Variants in ANKHD1 observed in about 807,000 individuals in gnomAD.
ANKHD1 encodes the protein ankyrin repeat and KH domain-containing protein 1.
Under a neutral mutation model 230.5 loss-of-function variants are expected in ANKHD1, and 31 were observed. The observed-to-expected ratio is 0.13, with a 90% CI of 0.10 to 0.18. The LOEUF is 0.18. ANKHD1 is among the 10% of genes least tolerant of loss of function. ANKHD1 has a pLI of 1.00. For missense variants in ANKHD1, 2,256 were observed against 3,071.3 expected (o/e 0.73, Z 6.27); for synonymous variants, 1,074 against 1,117.6 (o/e 0.96, Z 0.78).
rs1751477471 is a variant in ANKHD1, at chr5:140,485,834, C to T, written c.2142+102C>T. ...TAAGCAAAATGGACTTGTTTTTATTCTCTGTTACATATTGAGAAAATCATG... is the reference window on the plus strand; with the variant it reads ...TAAGCAAAATGGACTTGTTTTTATTTTCTGTTACATATTGAGAAAATCATG... On this transcript the variant is annotated intron_variant, in intron 13 of 33. Coordinates refer to ENST00000360839, the MANE Select transcript of ANKHD1 (RefSeq NM_017747.3). This position sits in a 1 kb window ranked among gnomAD's most constrained non-coding sequence, Gnocchi z 4.8. 3 of 1,478,366 alleles carry T rather than the reference C, an allele frequency of 2.0e-6. No individual in the cohort carries two copies. The highest frequency in any genetic ancestry group is 2.9e-5 in the African/African-American group (2 of 69,710). The allele number at this position is 1,478,366 out of a possible 1,614,324, so 91.6% of individuals were successfully genotyped here.
chr5:140,447,976 C>T (rs144484807), intron 6 of ANKHD1, among the ~76,000 whole-genome samples: 148 of 152,192 alleles, frequency 9.7e-4, no homozygotes, highest in African/African-American at 3.5e-3. Context: ...AACTGGAGTT[C>T]TATTATTAAA....
intron 7 of ANKHD1, among the ~76,000 whole-genome samples, chr5:140,455,617 A>G (rs1246021744): frequency 4.6e-5 from 7 of 152,230 alleles, no homozygotes; most frequent in East Asian, 1.9e-4. Flanking sequence ...CAAAAACCAC[A>G]TGATTATCTC....
chr5:140,480,445 G>A (rs1305051192), intron 10 of ANKHD1, among the ~76,000 whole-genome samples: 1 of 151,950 alleles, frequency 6.6e-6, no homozygotes, highest in Admixed American at 6.6e-5. Context: ...CATTTTTCAT[G>A]ATTTCATTTG....
At chr5:140,460,949 A>G (rs749570837) in intron 9 of ANKHD1, among the ~76,000 whole-genome samples, 2 of 152,090 alleles carry the variant, frequency 1.3e-5, no homozygotes, top group African/African-American at 2.4e-5. Flanking sequence ...TTTTTCCCCT[A>G]TCATTTTTAG....
At chr5:140,538,338 T>C in intron 32 of ANKHD1, 77 bp downstream of exon 32, 1 of 1,551,024 alleles carries the variant, frequency 6.4e-7, no homozygotes, top group South Asian at 1.2e-5. Flanking sequence ...TACCTTGTAT[T>C]GAAATAATGC....
At chr5:140,419,791 T>C (rs1467482908) in intron 1 of ANKHD1, among the ~76,000 whole-genome samples, 2 of 57,062 alleles carry the variant, frequency 3.5e-5, no homozygotes, top group Non-Finnish European at 4.6e-5. Context: ...TCTTTCTTTC[T>C]TTCTTTCTTT....
intron 1 of ANKHD1, among the ~76,000 whole-genome samples, chr5:140,407,443 C>T (rs1770561121): frequency 6.6e-6 from 1 of 151,622 alleles, no homozygotes; most frequent in South Asian, 2.1e-4. Context: ...TTTGCTCTGT[C>T]ACCCAGGCTG....
chr5:140,413,824 A>G (rs144634639), intron 1 of ANKHD1, among the ~76,000 whole-genome samples: 2,458 of 152,084 alleles, frequency 0.016, 73 homozygotes, highest in African/African-American at 0.056. Flanking sequence ...TCTGTCACCC[A>G]GGCTGGAGTG....
At chr5:140,470,345 A>T (rs1047883511) in intron 10 of ANKHD1, among the ~76,000 whole-genome samples, 39 of 142,632 alleles carry the variant, frequency 2.7e-4, no homozygotes, top group Middle Eastern at 3.7e-3. Flanking sequence ...AATTTTTAAA[A>T]TTTTTTTTTT....
chr5:140,419,618 C>G (rs1008710732), intron 1 of ANKHD1, among the ~76,000 whole-genome samples: 6 of 151,460 alleles, frequency 4.0e-5, no homozygotes, highest in Non-Finnish European at 7.4e-5. Flanking sequence ...TACCACTGTG[C>G]CTGGCTGATT....
Position 140,528,489 on chromosome 5 carries a change from C to G in ANKHD1, c.5543C>G (p.Pro1848Arg), listed in dbSNP as rs1387294258. Residue 1848 changes from proline to arginine, a missense_variant, in exon 29 of 34, where the codon CCC becomes CGC. Physicochemically the swap from Pro to Arg is moderately radical, Grantham distance 103. Around this residue, in one of 13 missense-constraint regions of ANKHD1, gnomAD observed 778 missense variants for 966.5 expected, o/e 0.80. Coordinates refer to ENST00000360839, the MANE Select transcript of ANKHD1 (RefSeq NM_017747.3). ...CGTTCTTCTTTCCCAGTTTCTCTACCCTTAGCTTATCCTCACCCTCATTTT... is the reference window on the plus strand; with the variant it reads ...CGTTCTTCTTTCCCAGTTTCTCTACGCTTAGCTTATCCTCACCCTCATTTT... The part of the protein sequence containing the change: ...NVRSSFPVSL[P>R]LAYPHPHFAL... 1 of 1,614,092 alleles carries G rather than the reference C, an allele frequency of 6.2e-7. No individual in the cohort carries two copies. Among genetic ancestry groups the G allele is most frequent in the Non-Finnish European group, 8.5e-7 (1 of 1,180,020 alleles).
intron 1 of ANKHD1, among the ~76,000 whole-genome samples, chr5:140,419,074 G>T (rs1183274425): frequency 6.6e-6 from 1 of 151,864 alleles, no homozygotes; most frequent in Non-Finnish European, 1.5e-5. Context: ...ATTCCTACCA[G>T]CAATGTACAA....
chr5:140,443,410 G>A (rs1774018837), intron 5 of ANKHD1, among the ~76,000 whole-genome samples: 1 of 151,834 alleles, frequency 6.6e-6, no homozygotes. Flanking sequence ...CAAAAAAAAG[G>A]CCGGGCGTGG....
In ANKHD1 at chr5:140,445,228, A is replaced by G. The variant is rs4568407; in HGVS notation, c.914-514A>G. Among the ~76,000 whole-genome samples the G allele has an allele frequency of 9.4e-3, 1,419 of 151,756 alleles. 7 individuals carry two copies. Among genetic ancestry groups the G allele is most frequent in the Non-Finnish European group, 0.014 (982 of 67,926 alleles). On this transcript the variant is annotated intron_variant, in intron 5 of 33. Coordinates refer to ENST00000360839, the MANE Select transcript of ANKHD1 (RefSeq NM_017747.3). The stretch of plus-strand genomic sequence containing the variant: ...AATTGGCATAATTGGTATAATTGGC[A>G]TAATTGTCAGATTACGCCTGTAATC...
Position 140,441,016 on chromosome 5 carries a change from A to C in ANKHD1, c.787A>C (p.Asn263His). 1 of 1,608,784 alleles carries C rather than the reference A, an allele frequency of 6.2e-7. No individual in the cohort carries two copies. Among genetic ancestry groups the C allele is most frequent in the Non-Finnish European group, 8.5e-7 (1 of 1,178,220 alleles). ...AAAGGTATTGCTTGCTATGCATGCT[A>C]ATGTTGAAGATCGAGGGAATAAAGG... Reference protein sequence around the residue: ...LAQVLLAMHANVEDRGNKGDI... With the variant: ...LAQVLLAMHAHVEDRGNKGDI... The change falls in exon 5 of 34, where the codon AAT (asparagine) becomes CAT (histidine). Residue 263 changes from asparagine to histidine, a missense_variant. Physicochemically the swap from Asn to His is moderately conservative, Grantham distance 68. Around this residue, in one of 13 missense-constraint regions of ANKHD1, gnomAD observed 206 missense variants for 304.5 expected, o/e 0.68. Transcript: ENST00000360839.
Position 140,424,481 on chromosome 5 carries a change from AGAT to A in ANKHD1, c.307-11619_307-11617del, listed in dbSNP as rs372233401. 3.7e-3 allele frequency among the ~76,000 whole-genome samples: 557 copies of A among 152,220 alleles called. 7 individuals carry two copies. The highest frequency in any genetic ancestry group is 0.013 in the African/African-American group (543 of 41,534). Reference sequence around the variant, plus strand: ...TAGTTTTTAATTTTATTTTTTGTAGAGATGATATGTTCAAAAACTACAGCAATT... The same window carrying A: ...TAGTTTTTAATTTTATTTTTTGTAGAGATATGTTCAAAAACTACAGCAATT... On this transcript the variant is annotated intron_variant, in intron 1 of 33. Coordinates refer to ENST00000360839, the MANE Select transcript of ANKHD1 (RefSeq NM_017747.3).
chr5:140,441,017 A>T lies in ANKHD1; in HGVS notation c.788A>T (p.Asn263Ile). The change falls in exon 5 of 34, where the codon AAT becomes ATT. Residue 263 changes from asparagine (N) to isoleucine (I), a missense_variant. This residue lies in a region of ANKHD1 where 206 missense variants were observed against 304.5 expected (regional missense o/e 0.68). Coordinates refer to ENST00000360839, the MANE Select transcript of ANKHD1 (RefSeq NM_017747.3). Reference protein sequence around the residue: ...LAQVLLAMHANVEDRGNKGDI... With the variant: ...LAQVLLAMHAIVEDRGNKGDI... ...AAGGTATTGCTTGCTATGCATGCTAATGTTGAAGATCGAGGGAATAAAGGA... is the reference window on the plus strand; with the variant it reads ...AAGGTATTGCTTGCTATGCATGCTATTGTTGAAGATCGAGGGAATAAAGGA... 1 of 1,609,088 alleles carries T rather than the reference A, an allele frequency of 6.2e-7. No individual in the cohort carries two copies.
Position 140,496,724 on chromosome 5 carries a change from TAGA to T in ANKHD1, c.2455_2457del (p.Glu819del). 6.2e-7 allele frequency: 1 copy of T among 1,613,530 alleles called. No individual in the cohort carries two copies. The highest frequency in any genetic ancestry group is 2.2e-5 in the East Asian group (1 of 44,862). ...GGTGAACCTCTGAACAAAGATAAGA[TAGA>T]AGAACTTAAAAAGAACAGAGAAGAG... On this transcript the variant is annotated inframe_deletion, in exon 15 of 34. Coordinates refer to ENST00000360839, the MANE Select transcript of ANKHD1 (RefSeq NM_017747.3).
rs147681656 is a variant in ANKHD1 at position 140,459,466 on chromosome 5, A to T, written c.1672+111A>T. On this transcript the variant is annotated intron_variant, in intron 9 of 33. Transcript: ENST00000360839. ...AGTAGATAATAGAATGGTGGTTACC[A>T]GAGTGTGGGCATGAGGGTGGGAGGA... 2.9e-4 allele frequency: 384 copies of T among 1,328,806 alleles called. 2 individuals carry two copies. The East Asian group carries it at 8.1e-3, about 28-fold the overall frequency. The allele number at this position is 1,328,806 out of a possible 1,614,324, so 82.3% of individuals were successfully genotyped here. A position where few individuals can be genotyped will look rare whatever the true frequency, so the allele number is the denominator to read the frequency against.
Sources: gnomAD v4.1 joint callset for allele counts (sites outside exome capture counted in the v4.1 genomes callset) on GRCh38, gnomAD v4.1.1 for gene constraint, gnomAD v4.1.1 regional missense constraint, Gnocchi (gnomAD v3.1) non-coding constraint, MANE v1.5 for transcripts, NCBI Gene and HGNC (gene_info 2026-07-23, HGNC 2026-07-21) for gene names.